ETV6: variants seen among roughly 807,000 people sequenced by gnomAD.
The protein encoded by ETV6 is transcription factor ETV6.
Under a neutral mutation model 51.1 loss-of-function variants are expected in ETV6, and 16 were observed. The observed-to-expected ratio is 0.31, with a 90% CI of 0.21 to 0.48. The LOEUF (loss-of-function observed/expected upper bound fraction) is 0.48. Ranked by LOEUF, ETV6 falls within the 20% of genes least tolerant of loss-of-function variation. ETV6 has a pLI of 0.99. For missense variants in ETV6, 458 were observed against 594.8 expected (o/e 0.77, Z 2.39); for synonymous variants, 240 against 224.1 (o/e 1.07, Z -0.64).
chr12:11,666,353 C>T (rs1293574941), intron 1 of ETV6, among the ~76,000 whole-genome samples: 3 of 152,194 alleles, frequency 2.0e-5, no homozygotes, highest in Non-Finnish European at 4.4e-5. Flanking sequence ...CATTTTACTC[C>T]TAATGGGTTG....
chr12:11,762,463 T>C (rs1945101657), intron 2 of ETV6, among the ~76,000 whole-genome samples: 1 of 152,232 alleles, frequency 6.6e-6, no homozygotes, highest in South Asian at 2.1e-4. Context: ...GGTTTTAGGC[T>C]TTACAGAGCC....
intron 4 of ETV6, among the ~76,000 whole-genome samples, chr12:11,868,438 CT>C (rs71057775): frequency 0.11 from 14,323 of 127,738 alleles, 739 homozygotes; most frequent in African/African-American, 0.19. Flanking sequence ...CTTTTTTCTT[CT>C]TTTTTTTTTT....
intron 1 of ETV6, among the ~76,000 whole-genome samples, chr12:11,679,066 C>T (rs1283305671): frequency 1.3e-5 from 2 of 152,142 alleles, no homozygotes; most frequent in African/African-American, 4.8e-5. Flanking sequence ...GTCAAATTGA[C>T]ATATAAAATT....
intron 4 of ETV6, among the ~76,000 whole-genome samples, chr12:11,859,291 G>A (rs1352832145): frequency 4.0e-5 from 6 of 151,462 alleles, no homozygotes; most frequent in African/African-American, 7.3e-5. Flanking sequence ...ACAGGCATCC[G>A]CCACCATGCC....
chr12:11,840,833 T>C (rs1946378754), intron 3 of ETV6: 1 of 235,850 alleles, frequency 4.2e-6, no homozygotes, highest in Non-Finnish European at 8.5e-6. Flanking sequence ...AAGAAAACTA[T>C]AAAACAACCA....
At chr12:11,859,393 G>A (rs1005152765) in intron 4 of ETV6, among the ~76,000 whole-genome samples, 10 of 151,734 alleles carry the variant, frequency 6.6e-5, no homozygotes, top group Non-Finnish European at 1.2e-4. Flanking sequence ...CGCCCGCCTC[G>A]GCCTCCCAAA....
chr12:11,729,447 G>T (rs1238272505), intron 1 of ETV6, among the ~76,000 whole-genome samples: 1 of 152,184 alleles, frequency 6.6e-6, no homozygotes, highest in East Asian at 1.9e-4. Flanking sequence ...CTGTGTGGTA[G>T]ATTTGAGTTC....
At chr12:11,734,427 C>T (rs1259180731) in intron 1 of ETV6, among the ~76,000 whole-genome samples, 4 of 149,562 alleles carry the variant, frequency 2.7e-5, no homozygotes, top group African/African-American at 5.0e-5. Context: ...GGCAACATGA[C>T]GAAACCTCGT....
chr12:11,650,344 TC>T (rs145552837), intron 1 of ETV6, among the ~76,000 whole-genome samples, 184 bp downstream of exon 1: 3 of 127,402 alleles, frequency 2.4e-5, no homozygotes, highest in African/African-American at 8.8e-5. Flanking sequence ...ACCTTGCTAC[TC>T]CCCCCCACCG....
chr12:11,842,685 G>A (rs1565547692), intron 3 of ETV6, among the ~76,000 whole-genome samples: 1 of 152,178 alleles, frequency 6.6e-6, no homozygotes, highest in Non-Finnish European at 1.5e-5. Flanking sequence ...TTTTGATCAG[G>A]GAAATATGAT....
rs144670604 is a variant in ETV6 at position 11,756,590 on chromosome 12, C to T, written c.163+4011C>T. ...CCAGGCAAGGTCACTCTTGACTCTA[C>T]GCAGAGAAGGGCTGTTGCTGGGAGC... On this transcript the variant is annotated intron_variant, in intron 2 of 7. Transcript: ENST00000396373. Among the ~76,000 whole-genome samples the T allele has an allele frequency of 1.3e-3, 200 of 152,322 alleles. 1 individual carries two copies. Among genetic ancestry groups the T allele is most frequent in the African/African-American group, 4.7e-3 (194 of 41,580 alleles).
At chr12:11,747,037 T>C (rs1865921937) in intron 1 of ETV6, among the ~76,000 whole-genome samples, 1 of 152,136 alleles carries the variant, frequency 6.6e-6, no homozygotes, top group African/African-American at 2.4e-5. Context: ...TCCTTAAGAC[T>C]GGTGAAGCGG....
At chr12:11,875,946 G>T (rs969499130) in intron 5 of ETV6, among the ~76,000 whole-genome samples, 2 of 152,160 alleles carry the variant, frequency 1.3e-5, no homozygotes, top group African/African-American at 4.8e-5. Context: ...TTATTAGTTG[G>T]CCCTTTACAG....
intron 5 of ETV6, among the ~76,000 whole-genome samples, chr12:11,874,593 CATAT>C (rs1188179165): frequency 3.4e-4 from 3 of 8,742 alleles, no homozygotes; most frequent in African/African-American, 4.4e-4. Context: ...TGTGTATACA[CATAT>C]ATGTGTATGT....
chr12:11,886,763 GGAA>G (rs762074354), intron 7 of ETV6, among the ~76,000 whole-genome samples: 19 of 152,158 alleles, frequency 1.2e-4, no homozygotes, highest in Non-Finnish European at 2.6e-4. Context: ...AGAAAGAACT[GGAA>G]GAAGAAGGAG....
At chr12:11,810,036 G>A (rs1254505318) in intron 2 of ETV6, among the ~76,000 whole-genome samples, 1 of 151,998 alleles carries the variant, frequency 6.6e-6, no homozygotes, top group Non-Finnish European at 1.5e-5. Flanking sequence ...AGCTAGGATG[G>A]TCTCAGTCTC....
At chr12:11,846,169 C>G (rs758246276) in intron 3 of ETV6, among the ~76,000 whole-genome samples, 1 of 150,686 alleles carries the variant, frequency 6.6e-6, no homozygotes, top group Non-Finnish European at 1.5e-5. Flanking sequence ...AAGGGCCCAA[C>G]AGAGAGAACA....
At chr12:11,791,703 T>A (rs1436678474) in intron 2 of ETV6, among the ~76,000 whole-genome samples, 2 of 152,210 alleles carry the variant, frequency 1.3e-5, no homozygotes, top group African/African-American at 4.8e-5. Flanking sequence ...AATAAAGACA[T>A]CAATATGTGA....
intron 2 of ETV6, among the ~76,000 whole-genome samples, chr12:11,796,871 C>T (rs540178567): frequency 6.6e-6 from 1 of 151,886 alleles, no homozygotes; most frequent in South Asian, 2.1e-4. Flanking sequence ...ACTGCAGCCT[C>T]CACCTCCTGG....
Sources: gnomAD v4.1 joint callset for allele counts (sites outside exome capture counted in the v4.1 genomes callset) on GRCh38, gnomAD v4.1.1 for gene constraint, MANE v1.5 for transcripts, NCBI Gene and HGNC (gene_info 2026-07-23, HGNC 2026-07-21) for gene names.